Variants in FARSB observed in about 807,000 individuals in gnomAD.
FARSB encodes the protein phenylalanyl-tRNA synthetase subunit beta, also known as phenylalanine--tRNA ligase beta subunit.
A neutral mutation model predicts 69.6 loss-of-function variants in FARSB; 40 were observed. The observed-to-expected ratio is 0.57, with a 90% CI of 0.45 to 0.75. The LOEUF (loss-of-function observed/expected upper bound fraction) is 0.75, where lower values mean the gene tolerates loss of function less well. FARSB is among the 30% of genes least tolerant of loss of function. The pLI, the probability that FARSB is intolerant of heterozygous loss-of-function variation, is 0.00. For synonymous variants in FARSB, 235 were observed against 247.2 expected (o/e 0.95, Z 0.46); for missense variants, 632 against 722.9 (o/e 0.87, Z 1.44).
intron 13 of FARSB, 121 bp downstream of exon 13, chr2:222,623,529 T>A: frequency 1.4e-6 from 1 of 734,716 alleles, no homozygotes; most frequent in Non-Finnish European, 2.5e-6. Flanking sequence ...AAGTTATTCT[T>A]CCAGAATCTG....
intron 5 of FARSB, among the ~76,000 whole-genome samples, chr2:222,638,193 A>C (rs1000143125): frequency 1.3e-5 from 2 of 152,224 alleles, no homozygotes; most frequent in Non-Finnish European, 2.9e-5. Context: ...TGAAATACGT[A>C]AACTTCCAAA....
Position 222,634,461 on chromosome 2 carries a change from G to T in FARSB, c.536C>A (p.Ser179Ter). ...ATTTAGAGGCTTGAATTTGATATCT[G>T]AAGGACGCTTTGCAGTATAAGTAAA... is the stretch of plus-strand genomic sequence containing the variant. ...GPFTYTAKRP[S>*]DIKFKPLNKT... The change falls in exon 6 of 17, where the codon TCA becomes TAA. Residue 179 changes from serine to a stop codon, truncating the protein, a stop_gained. Coordinates refer to ENST00000281828, the MANE Select transcript of FARSB (RefSeq NM_005687.5). LOFTEE classifies it high-confidence loss of function. 1 of 1,612,086 alleles carries T rather than the reference G, an allele frequency of 6.2e-7. No homozygotes were observed. The highest frequency in any genetic ancestry group is 8.5e-7 in the Non-Finnish European group (1 of 1,178,390).
At position 222,623,682 on chromosome 2, in the gene FARSB, C is replaced by A. The variant is rs531236483; in HGVS notation, c.1219G>T (p.Ala407Ser). 210 of 1,610,434 alleles carry A rather than the reference C, an allele frequency of 1.3e-4. 1 individual carries two copies. In the South Asian group the frequency reaches 2.3e-3, roughly 17 times the overall value. Reference protein sequence around the residue: ...TELLRHDMAAAGFTEALTFAL... With the variant: ...TELLRHDMAASGFTEALTFAL... ...AAGGTAAGTGCTTCAGTGAAGCCAG[C>A]GGCTGCCATGTCATGTCGGAGAAGT... is the stretch of plus-strand genomic sequence containing the variant. Residue 407 changes from alanine to serine, a missense_variant, in exon 13 of 17, where the codon GCT becomes TCT. By Grantham distance (99) the Ala-to-Ser change is moderately conservative. Coordinates refer to ENST00000281828, the MANE Select transcript of FARSB (RefSeq NM_005687.5).
At chr2:222,623,597 T>C (rs947239872) in intron 13 of FARSB, 53 bp downstream of exon 13, 1 of 949,198 alleles carries the variant, frequency 1.1e-6, no homozygotes, top group East Asian at 2.4e-5. Flanking sequence ...AATAAATAAT[T>C]CAGAGAGTCT....
intron 16 of FARSB, among the ~76,000 whole-genome samples, chr2:222,574,672 A>G (rs1574906076): frequency 1.3e-5 from 2 of 152,372 alleles, no homozygotes; most frequent in Admixed American, 1.3e-4. Context: ...ATTCCTGTAT[A>G]AACTCGACTT....
In FARSB at chr2:222,656,047, A is replaced by G. The variant is rs760519003; in HGVS notation, c.27T>C (p.Asp9=). ...TGCGGCCCAGGGCTTGGAAGAGCAG[A>G]TCACGCTTCACGCTGACAGTCGGCA... MPTVSVKR[D]LLFQALGRTY... is the part of the protein sequence containing the mutation. Residue 9 remains aspartate (D), a synonymous_variant, in exon 1 of 17, where the codon GAT becomes GAC. Transcript: ENST00000281828. 2 of 1,597,148 alleles carry G rather than the reference A, an allele frequency of 1.3e-6. No homozygotes were observed. The highest frequency in any genetic ancestry group is 4.6e-5 in the East Asian group (2 of 43,676).
chr2:222,578,578 G>A (rs181920115), intron 16 of FARSB, among the ~76,000 whole-genome samples: 45 of 152,308 alleles, frequency 3.0e-4, no homozygotes, highest in South Asian at 6.2e-4. Context: ...GGTGGCTCAC[G>A]CCTGTAATCC....
At position 222,641,031 on chromosome 2, in the gene FARSB, G is replaced by C. The variant is rs1379547783; in HGVS notation, c.270-100C>G. 4 of 491,228 alleles carry C rather than the reference G, an allele frequency of 8.1e-6. No individual in the cohort carries two copies. In the East Asian group the frequency reaches 1.4e-4, roughly 18 times the overall value. 30.4% of individuals were successfully genotyped at this position (491,228 alleles called of 1,614,324 possible). On this transcript the variant is annotated intron_variant, in intron 3 of 16. Coordinates refer to ENST00000281828, the MANE Select transcript of FARSB (RefSeq NM_005687.5). ...TATAGGAAGTATACAAAATGAATTA[G>C]GGCAATGGGTTGAGTTACAGCAAGT...
At chr2:222,588,491 GTGT>G (rs1273512231) in intron 16 of FARSB, among the ~76,000 whole-genome samples, 4 of 152,170 alleles carry the variant, frequency 2.6e-5, no homozygotes, top group Admixed American at 2.6e-4. Flanking sequence ...ATTCAACATA[GTGT>G]TGGAAGTTCT....
Position 222,584,224 on chromosome 2 carries a change from T to A in FARSB, c.1619-12202A>T, listed in dbSNP as rs191352304. On this transcript the variant is annotated intron_variant, in intron 16 of 16. Transcript: ENST00000281828. Reference sequence around the variant, plus strand: ...TCTCAAACAGTTCAGAAAAAAAAAATTTTGCATACCACTTGCATTTTTAAA... The same window carrying A: ...TCTCAAACAGTTCAGAAAAAAAAAAATTTGCATACCACTTGCATTTTTAAA... 5.8e-3 allele frequency among the ~76,000 whole-genome samples: 884 copies of A among 152,022 alleles called. 12 individuals carry two copies. The highest frequency in any genetic ancestry group is 5.3e-3 in the Non-Finnish European group (363 of 67,974).
intron 7 of FARSB, 78 bp from the exon 8 acceptor site, chr2:222,631,752 G>A: frequency 1.2e-6 from 1 of 839,148 alleles, no homozygotes. Context: ...CAACAAAACA[G>A]AAACTACATT....
chr2:222,640,615 G>T (rs1691696400), intron 4 of FARSB, among the ~76,000 whole-genome samples: 1 of 152,180 alleles, frequency 6.6e-6, no homozygotes, highest in African/African-American at 2.4e-5. Flanking sequence ...AACTAGCCGG[G>T]TGTGGTGGCG....
At chr2:222,594,321 T>C (rs1365221345) in intron 16 of FARSB, among the ~76,000 whole-genome samples, 2 of 152,132 alleles carry the variant, frequency 1.3e-5, no homozygotes, top group Non-Finnish European at 2.9e-5. Context: ...TTACTATATG[T>C]ATACATTGCT....
intron 16 of FARSB, among the ~76,000 whole-genome samples, chr2:222,587,084 CA>C (rs1690135102): frequency 6.6e-6 from 1 of 152,122 alleles, no homozygotes; most frequent in Admixed American, 6.6e-5. Context: ...GCACTTATTC[CA>C]AAACTGACCA....
intron 8 of FARSB, 123 bp from the exon 9 acceptor site, chr2:222,630,297 T>G (rs1691386540): frequency 1.7e-5 from 9 of 542,330 alleles, no homozygotes; most frequent in Non-Finnish European, 2.9e-5. Flanking sequence ...GTATACATTT[T>G]AAGAAAGGAA....
Position 222,624,724 on chromosome 2 carries a change from CT to C in FARSB, c.951del (p.Val318LeufsTer14). On this transcript the variant is annotated frameshift_variant, in exon 11 of 17. Coordinates refer to ENST00000281828, the MANE Select transcript of FARSB (RefSeq NM_005687.5). LOFTEE classifies it high-confidence loss of function. The stretch of plus-strand genomic sequence containing the variant: ...GTTTTCAGAGCATACCTGATTCCAA[CT>C]TTTTTGTTAATTAGGTCAGCTCTCA... The part of the protein sequence containing the change: ...EMVRADLINK[K>X]VGIRETPENL... 1 of 1,604,590 alleles carries C rather than the reference CT, an allele frequency of 6.2e-7. No homozygotes were observed. The highest frequency in any genetic ancestry group is 8.5e-7 in the Non-Finnish European group (1 of 1,174,174).
intron 14 of FARSB, among the ~76,000 whole-genome samples, chr2:222,617,307 A>T (rs1691023265): frequency 6.6e-6 from 1 of 152,238 alleles, no homozygotes; most frequent in Admixed American, 6.5e-5. Context: ...ATTTATAGTG[A>T]CATTTAATGC....
intron 14 of FARSB, among the ~76,000 whole-genome samples, chr2:222,616,536 A>G (rs1329849419): frequency 1.0e-5 from 1 of 98,670 alleles, no homozygotes; most frequent in Non-Finnish European, 1.9e-5. Context: ...ACAGAGTGAG[A>G]CTCCATCTCA....
At chr2:222,651,347 A>G (rs1452287977) in intron 1 of FARSB, among the ~76,000 whole-genome samples, 1 of 152,236 alleles carries the variant, frequency 6.6e-6, no homozygotes, top group Non-Finnish European at 1.5e-5. Flanking sequence ...AAGGCTGTTA[A>G]ACAAAAATGA....
Sources: allele counts gnomAD v4.1 joint callset (sites outside exome capture counted in the v4.1 genomes callset), GRCh38; gene constraint gnomAD v4.1.1; transcripts MANE v1.5; gene names NCBI Gene and HGNC (gene_info 2026-07-23, HGNC 2026-07-21).